RARB: variants seen among roughly 807,000 people sequenced by gnomAD.
RARB encodes the protein HBV-activated protein.
Under a neutral mutation model 51.9 loss-of-function variants are expected in RARB, and 17 were observed. The observed-to-expected ratio is 0.33, with a 90% CI of 0.22 to 0.49. The LOEUF is 0.49. RARB is among the 20% of genes least tolerant of loss of function. RARB has a pLI of 0.99. For missense variants in RARB, 369 were observed against 550.8 expected (o/e 0.67, Z 3.30); for synonymous variants, 215 against 195.4 (o/e 1.10, Z -0.84).
At chr3:24,924,986 C>T (rs1695287623) in intron 2 of RARB, among the ~76,000 whole-genome samples, 1 of 152,088 alleles carries the variant, frequency 6.6e-6, no homozygotes, top group Non-Finnish European at 1.5e-5. Context: ...ATCACCTGTT[C>T]CTGGGCTGAC....
At chr3:24,903,125 T>G (rs1340326030) in intron 2 of RARB, among the ~76,000 whole-genome samples, 1 of 152,120 alleles carries the variant, frequency 6.6e-6, no homozygotes, top group East Asian at 1.9e-4. Flanking sequence ...TAATACTTAT[T>G]TTAATAAAAT....
At chr3:25,252,626 C>T (rs1290293366) in intron 5 of RARB, among the ~76,000 whole-genome samples, 1 of 152,120 alleles carries the variant, frequency 6.6e-6, no homozygotes, top group Non-Finnish European at 1.5e-5. Context: ...AGGATTGTTT[C>T]ATTTTCTTAT....
chr3:25,204,292 T>G (rs955247760), intron 5 of RARB, among the ~76,000 whole-genome samples: 1 of 152,230 alleles, frequency 6.6e-6, no homozygotes, highest in Non-Finnish European at 1.5e-5. Flanking sequence ...CTTTAAGGAC[T>G]TCTCTGCATT....
At chr3:24,960,680 C>T (rs1054789637) in intron 2 of RARB, among the ~76,000 whole-genome samples, 1 of 151,852 alleles carries the variant, frequency 6.6e-6, no homozygotes, top group Non-Finnish European at 1.5e-5. Context: ...AATGATTTAA[C>T]ACCTGGCAAG....
In RARB at chr3:25,594,471, A is replaced by ATTTT. The variant is rs766555226; in HGVS notation, c.992-49_992-48insTTTT. The ATTTT allele has an allele frequency of 2.0e-6, 3 of 1,526,254 alleles. No homozygotes were observed. In the Admixed American group the frequency reaches 6.5e-5, roughly 33 times the overall value. 94.5% of individuals were successfully genotyped at this position (1,526,254 alleles called of 1,614,324 possible). On this transcript the variant is annotated intron_variant, in intron 6 of 7. Transcript: ENST00000330688. ...GAATAAGGAAACAAGGAAGAGGGGA[A>ATTTT]AAGGGCATAAATCCTGATTTTGTTT...
intron 3 of RARB, among the ~76,000 whole-genome samples, chr3:25,504,106 AC>A (rs1460219098): frequency 6.6e-6 from 1 of 152,156 alleles, no homozygotes; most frequent in African/African-American, 2.4e-5. Context: ...GTGACAGAAA[AC>A]CCAGCTCAAA....
intron 3 of RARB, among the ~76,000 whole-genome samples, chr3:25,106,932 G>C (rs150714415): frequency 2.6e-5 from 4 of 150,956 alleles, no homozygotes; most frequent in Admixed American, 2.6e-4. Context: ...ATGGAGTCTC[G>C]CTGTCTTGCC....
chr3:25,514,544 G>T (rs1381524473), intron 3 of RARB, among the ~76,000 whole-genome samples: 1 of 151,858 alleles, frequency 6.6e-6, no homozygotes, highest in Non-Finnish European at 1.5e-5. Flanking sequence ...TTTTCAAAAT[G>T]ATTTTAGGAC....
chr3:25,038,359 T>C lies in RARB; in HGVS notation c.-379-21766T>C, dbSNP rs547923003. On this transcript the variant is annotated intron_variant, in intron 2 of 11. Transcript: ENST00000383772. ...TTTAAAGATGAAAAAAATTGTCTAA[T>C]GGATAAACTGGGAGGAGCAGTAAAG... Among the ~76,000 whole-genome samples the C allele has an allele frequency of 2.6e-3, 384 of 148,578 alleles. 1 individual carries two copies. The highest frequency in any genetic ancestry group is 4.2e-3 in the Non-Finnish European group (281 of 67,122).
chr3:24,978,379 G>A (rs2125423205), intron 2 of RARB, among the ~76,000 whole-genome samples: 2 of 152,186 alleles, frequency 1.3e-5, no homozygotes, highest in South Asian at 2.1e-4. Flanking sequence ...GAATCTGTCT[G>A]GTCCTGTACT....
chr3:25,446,408 G>C (rs577780683), intron 1 of RARB, among the ~76,000 whole-genome samples: 1 of 152,222 alleles, frequency 6.6e-6, no homozygotes, highest in Non-Finnish European at 1.5e-5. Flanking sequence ...CTTCCCCCAT[G>C]GGGGGCAGAG....
intron 2 of RARB, among the ~76,000 whole-genome samples, chr3:24,982,139 C>T (rs193258401): frequency 3.3e-5 from 5 of 152,324 alleles, no homozygotes; most frequent in Admixed American, 3.3e-4. Flanking sequence ...ATATCTGCAG[C>T]TGGTGGGACT....
intron 1 of RARB, among the ~76,000 whole-genome samples, chr3:24,851,451 G>A (rs1029029653): frequency 7.3e-5 from 11 of 150,090 alleles, no homozygotes; most frequent in Admixed American, 4.0e-4. Flanking sequence ...AAAGGAAATT[G>A]TGGCCCGATT....
chr3:25,159,628 C>A (rs1424899880), intron 4 of RARB, among the ~76,000 whole-genome samples: 2 of 152,048 alleles, frequency 1.3e-5, no homozygotes, highest in Non-Finnish European at 2.9e-5. Flanking sequence ...TGGCTTCATT[C>A]AGATGAATGA....
At chr3:25,308,071 C>T (rs902092692) in intron 5 of RARB, among the ~76,000 whole-genome samples, 1 of 152,106 alleles carries the variant, frequency 6.6e-6, no homozygotes, top group Admixed American at 6.5e-5. Context: ...AATTATGGTG[C>T]CCATGAGTAG....
chr3:25,466,314 A>C (rs1695429147), intron 2 of RARB, among the ~76,000 whole-genome samples: 1 of 152,018 alleles, frequency 6.6e-6, no homozygotes. Context: ...CAGCCTCCCG[A>C]GTAGCTGGGA....
intron 2 of RARB, among the ~76,000 whole-genome samples, chr3:25,052,815 T>C (rs774168190): frequency 5.3e-4 from 80 of 152,056 alleles, no homozygotes; most frequent in Non-Finnish European, 9.9e-4. Context: ...ATGTGACTTC[T>C]TGGGTATGAC....
intron 3 of RARB, among the ~76,000 whole-genome samples, chr3:25,553,293 T>C (rs898705110): frequency 6.6e-6 from 1 of 152,186 alleles, no homozygotes; most frequent in African/African-American, 2.4e-5. Flanking sequence ...CCTCTGCCAC[T>C]GGCGCCCAGG....
At chr3:25,033,653 C>G (rs564460879) in intron 2 of RARB, among the ~76,000 whole-genome samples, 2 of 152,104 alleles carry the variant, frequency 1.3e-5, no homozygotes, top group East Asian at 1.9e-4. Context: ...AGACCCACAT[C>G]CAAACATGAA....
Sources: allele counts gnomAD v4.1 joint callset (sites outside exome capture counted in the v4.1 genomes callset), GRCh38; gene constraint gnomAD v4.1.1; transcripts MANE v1.5; gene names NCBI Gene and HGNC (gene_info 2026-07-23, HGNC 2026-07-21).